RBM20: variants seen among roughly 807,000 people sequenced by gnomAD.
The protein encoded by RBM20 is RNA-binding protein 20.
In RBM20, 51 loss-of-function variants were observed where a neutral mutation model predicts 110.1. That is an observed-to-expected ratio of 0.46 (90% CI 0.37 to 0.59). The LOEUF is 0.59. Among genes scored for constraint, RBM20 ranks in the 20% least tolerant of loss-of-function variants. The pLI is 0.00. For synonymous variants in RBM20, 589 were observed against 618.2 expected, an observed-to-expected ratio of 0.95 and a Z score of 0.70; for missense variants, 1,512 against 1,574.9, an observed-to-expected ratio of 0.96 and a Z score of 0.68.
rs140401775 is a variant in RBM20 at position 110,645,501 on chromosome 10, C to T, written c.191+856C>T. The stretch of plus-strand genomic sequence containing the variant: ...AATAAGTGTAGGAAAGTGAATGATG[C>T]GCACCTCTGCGAAACTGACAACACT... On this transcript the variant is annotated intron_variant, in intron 1 of 13. Transcript: ENST00000369519. Among the ~76,000 whole-genome samples the T allele has an allele frequency of 6.0e-4, 91 of 152,318 alleles. No homozygotes were observed. The Middle Eastern group carries it at 0.01, about 17-fold the overall frequency.
At chr10:110,776,124 C>T (rs932383812) in intron 1 of RBM20, among the ~76,000 whole-genome samples, 17 of 152,146 alleles carry the variant, frequency 1.1e-4, no homozygotes, top group African/African-American at 3.1e-4. Context: ...GTCTGAGACA[C>T]GTTGCTTGGG....
chr10:110,767,120 C>G (rs1190567333), intron 1 of RBM20, among the ~76,000 whole-genome samples: 8 of 116,424 alleles, frequency 6.9e-5, no homozygotes, highest in Non-Finnish European at 1.5e-4. Flanking sequence ...CGGCTGACCC[C>G]CCCCACCTCC....
chr10:110,734,192 A>G (rs1361505126), intron 1 of RBM20, among the ~76,000 whole-genome samples: 1 of 152,212 alleles, frequency 6.6e-6, no homozygotes, highest in Admixed American at 6.5e-5. Flanking sequence ...AGAATGTCAT[A>G]GAGTGTGATA....
At chr10:110,654,307 T>C (rs1861990317) in intron 1 of RBM20, among the ~76,000 whole-genome samples, 1 of 152,246 alleles carries the variant, frequency 6.6e-6, no homozygotes, top group African/African-American at 2.4e-5. Flanking sequence ...ATAGATATTA[T>C]CTAGAGCCTC....
intron 1 of RBM20, among the ~76,000 whole-genome samples, chr10:110,666,147 T>C (rs1862175845): frequency 2.6e-5 from 4 of 152,172 alleles, no homozygotes; most frequent in African/African-American, 9.7e-5. Context: ...TAAACAAGAT[T>C]GGCCATAGAT....
intron 1 of RBM20, among the ~76,000 whole-genome samples, chr10:110,696,557 G>T (rs1862667022): frequency 6.6e-6 from 1 of 152,216 alleles, no homozygotes; most frequent in Non-Finnish European, 1.5e-5. Flanking sequence ...GACCTTGGAA[G>T]TGATGAAGGT....
In RBM20 at chr10:110,646,637, G is replaced by C. The variant is rs549318599; in HGVS notation, c.191+1992G>C. Among the ~76,000 whole-genome samples the C allele has an allele frequency of 2.6e-5, 4 of 152,344 alleles. No individual in the cohort carries two copies. The South Asian group carries it at 8.3e-4, about 32-fold the overall frequency. On this transcript the variant is annotated intron_variant, in intron 1 of 13. Coordinates refer to ENST00000369519, the MANE Select transcript of RBM20 (RefSeq NM_001134363.3). ...TGATTTGGAGCTTGTGCTCTCCTTA[G>C]TACCCACTGAAATTCCGCTGGAACC... is the stretch of plus-strand genomic sequence containing the variant.
At chr10:110,683,033 T>C (rs1377628331) in intron 1 of RBM20, among the ~76,000 whole-genome samples, 1 of 152,052 alleles carries the variant, frequency 6.6e-6, no homozygotes, top group East Asian at 1.9e-4. Flanking sequence ...TTTTGGGTTA[T>C]GATGATCACA....
chr10:110,644,725 C>G lies in RBM20; in HGVS notation c.191+80C>G. 2 of 1,121,852 alleles carry G rather than the reference C, an allele frequency of 1.8e-6. No homozygotes were observed. The highest frequency in any genetic ancestry group is 1.8e-5 in the South Asian group (1 of 56,500). 69.5% of individuals were successfully genotyped at this position (1,121,852 alleles called of 1,614,324 possible). ...GAGCCCCCTTTGTGGCTTCATTTCC[C>G]GTCCCTGCTGAACTTCGCTCGCCCC... is the stretch of plus-strand genomic sequence containing the variant. On this transcript the variant is annotated intron_variant, in intron 1 of 13. Coordinates refer to ENST00000369519, the MANE Select transcript of RBM20 (RefSeq NM_001134363.3). This position sits in a 1 kb window ranked among gnomAD's most constrained non-coding sequence, Gnocchi z 4.3.
intron 1 of RBM20, among the ~76,000 whole-genome samples, chr10:110,719,285 A>G (rs1843475073): frequency 6.6e-6 from 1 of 152,240 alleles, no homozygotes; most frequent in Non-Finnish European, 1.5e-5. Flanking sequence ...AACACATGAG[A>G]TTGTTGTTGC....
At chr10:110,723,823 C>T (rs111321291) in intron 1 of RBM20, among the ~76,000 whole-genome samples, 4 of 152,226 alleles carry the variant, frequency 2.6e-5, no homozygotes, top group African/African-American at 9.6e-5. Flanking sequence ...TGAGCACGGC[C>T]CTTCCTCTGT....
chr10:110,711,329 CAAAAAAAAA>C (rs1157753270), intron 1 of RBM20, among the ~76,000 whole-genome samples: 16 of 28,402 alleles, frequency 5.6e-4, no homozygotes, highest in African/African-American at 1.8e-3. Flanking sequence ...GACTCCATCT[CAAAAAAAAA>C]AAAAAAAAAA....
chr10:110,697,107 G>A (rs1862676126), intron 1 of RBM20, among the ~76,000 whole-genome samples: 1 of 152,202 alleles, frequency 6.6e-6, no homozygotes, highest in Admixed American at 6.5e-5. Context: ...TTTGAGTTAT[G>A]TGTTTTGTTT....
chr10:110,731,982 C>T (rs890495414), intron 1 of RBM20, among the ~76,000 whole-genome samples: 3 of 152,212 alleles, frequency 2.0e-5, no homozygotes, highest in Admixed American at 6.5e-5. Context: ...TCTCCATGTG[C>T]ACCTTCAGCA....
At chr10:110,663,489 A>G (rs936802003) in intron 1 of RBM20, among the ~76,000 whole-genome samples, 1 of 152,354 alleles carries the variant, frequency 6.6e-6, no homozygotes, top group African/African-American at 2.4e-5. Context: ...ATACTTTTTT[A>G]AAAATGGAAG....
chr10:110,677,653 C>A lies in RBM20; in HGVS notation c.191+33008C>A, dbSNP rs560580183. On this transcript the variant is annotated intron_variant, in intron 1 of 13. Coordinates refer to ENST00000369519, the MANE Select transcript of RBM20 (RefSeq NM_001134363.3). ...TCTTAAAGGGGACAAATATTCAAAC[C>A]ATAGCACAGAACTATTTGGTGCTAA... is the stretch of plus-strand genomic sequence containing the variant. Among the ~76,000 whole-genome samples, 59 of 152,332 alleles carry A rather than the reference C, an allele frequency of 3.9e-4. No homozygotes were observed. In the South Asian group the frequency reaches 0.01, roughly 26 times the overall value.
At chr10:110,727,992 T>C (rs894836654) in intron 1 of RBM20, among the ~76,000 whole-genome samples, 1 of 152,370 alleles carries the variant, frequency 6.6e-6, no homozygotes, top group Non-Finnish European at 1.5e-5. Context: ...CATTCTTTTT[T>C]ATGGCTGCAT....
At chr10:110,782,674 T>A (rs1195113021) in intron 2 of RBM20, among the ~76,000 whole-genome samples, 2 of 152,182 alleles carry the variant, frequency 1.3e-5, no homozygotes, top group African/African-American at 4.8e-5. Flanking sequence ...AGCTTGAAAG[T>A]GGCAGAGTGG....
rs555225616 is a variant in RBM20 at position 110,779,003 on chromosome 10, T to C, written c.192-1798T>C. Among the ~76,000 whole-genome samples, 10 of 152,384 alleles carry C rather than the reference T, an allele frequency of 6.6e-5. 1 individual carries two copies. The highest frequency in any genetic ancestry group is 1.3e-4 in the Admixed American group (2 of 15,306). ...CTTGTAATTTTTTGGTTATTCCTTA[T>C]ACTAGTTAGGTTTGAGAGCTCAGTT... On this transcript the variant is annotated intron_variant, in intron 1 of 13. Coordinates refer to ENST00000369519, the MANE Select transcript of RBM20 (RefSeq NM_001134363.3).
Sources: allele counts gnomAD v4.1 joint callset (sites outside exome capture counted in the v4.1 genomes callset), GRCh38; gene constraint gnomAD v4.1.1; non-coding constraint Gnocchi (gnomAD v3.1); transcripts MANE v1.5; gene names NCBI Gene and HGNC (gene_info 2026-07-23, HGNC 2026-07-21).